The following TDRP variants were observed in gnomAD, a reference collection of about 807,000 sequenced individuals.
TDRP encodes testis development related protein, also known as testis development-related protein.
In TDRP, 12 loss-of-function variants were observed where a neutral mutation model predicts 10.5. That is an observed-to-expected ratio of 1.15 (90% CI 0.73 to 1.86). The LOEUF (loss-of-function observed/expected upper bound fraction) is 1.86, where lower values mean the gene tolerates loss of function less well. Among genes scored for constraint, TDRP ranks in the 40% most tolerant of loss-of-function variants. The pLI, the probability that TDRP is intolerant of heterozygous loss-of-function variation, is 0.00. For synonymous variants in TDRP, 139 were observed against 95.4 expected (o/e 1.46, Z -2.67); for missense variants, 353 against 229.2 (o/e 1.54, Z -3.49).
chr8:494,637 G>GA (rs760015775), intron 1 of TDRP, 40 bp from the exon 2 acceptor site: 3 of 1,549,868 alleles, frequency 1.9e-6, no homozygotes, highest in African/African-American at 2.7e-5. Flanking sequence ...CTGATGTCAT[G>GA]AATCAACAGA....
intron 1 of TDRP, among the ~76,000 whole-genome samples, chr8:521,756 T>C (rs1263540695): frequency 2.6e-5 from 4 of 151,878 alleles, no homozygotes; most frequent in Non-Finnish European, 4.4e-5. Context: ...CTTTAGAATT[T>C]CTTTTCTACT....
At chr8:532,284 G>C (rs1033426867) in intron 1 of TDRP, among the ~76,000 whole-genome samples, 2 of 152,172 alleles carry the variant, frequency 1.3e-5, no homozygotes, top group Non-Finnish European at 2.9e-5. Context: ...AAGGATGCTG[G>C]GACTTCAGGC....
chr8:545,645 G>A (rs975094291), upstream of TDRP: 3 of 152,114 alleles, frequency 2.0e-5, no homozygotes, highest in East Asian at 5.9e-4. Flanking sequence ...TCGGGGCCTG[G>A]GCGCCGGGCA....
chr8:544,210 T>C (rs943933801), intron 1 of TDRP, among the ~76,000 whole-genome samples: 2 of 152,050 alleles, frequency 1.3e-5, no homozygotes, highest in African/African-American at 4.8e-5. Context: ...TGCGCGATGA[T>C]TCAGGCCTTC....
At chr8:510,173 T>G (rs1177280416) in intron 1 of TDRP, among the ~76,000 whole-genome samples, 1 of 152,146 alleles carries the variant, frequency 6.6e-6, no homozygotes, top group Non-Finnish European at 1.5e-5. Context: ...TTTAAATAGG[T>G]ACGCATAATT....
intron 1 of TDRP, among the ~76,000 whole-genome samples, chr8:510,788 A>G (rs1801595615): frequency 6.6e-6 from 1 of 152,244 alleles, no homozygotes; most frequent in Non-Finnish European, 1.5e-5. Context: ...TATCCACATG[A>G]GAAAACAAAG....
At chr8:512,132 A>C (rs531261490) in intron 1 of TDRP, among the ~76,000 whole-genome samples, 20 of 152,254 alleles carry the variant, frequency 1.3e-4, no homozygotes, top group African/African-American at 4.6e-4. Flanking sequence ...TTAAAAAAAA[A>C]AACAAAATTG....
rs746086996 is a variant in TDRP at position 494,583 on chromosome 8, A to C, written c.123T>G (p.Ser41Arg). ...AAAQAQVQGA[S>R]FRGWKEVTSL... ...AAGTCACTTCTTTCCAACCTCGGAA[A>C]CTTGCTCCCTGAACCTAATAAAAGG... Residue 41 changes from serine to arginine, a missense_variant, in exon 2 of 3, where the codon AGT (serine) becomes AGG (arginine). Ser to Arg is a moderately radical substitution (Grantham distance 110). Coordinates refer to ENST00000324079, the MANE Select transcript of TDRP (RefSeq NM_001384899.1). The C allele has an allele frequency of 6.2e-7, 1 of 1,613,908 alleles. No individual in the cohort carries two copies. Among genetic ancestry groups the C allele is most frequent in the African/African-American group, 1.3e-5 (1 of 75,042 alleles).
chr8:493,283 G>C (rs891954276), intron 2 of TDRP, among the ~76,000 whole-genome samples: 2 of 152,260 alleles, frequency 1.3e-5, no homozygotes, highest in Admixed American at 6.5e-5. Flanking sequence ...TCTTCACCCT[G>C]ACTGTCCGCG....
intron 1 of TDRP, among the ~76,000 whole-genome samples, chr8:506,064 G>A (rs147319705): frequency 1.4e-4 from 22 of 152,200 alleles, no homozygotes; most frequent in East Asian, 5.8e-4. Context: ...AGCCATGGCC[G>A]CTTTCCACTG....
At chr8:537,497 G>C (rs893683113) in intron 1 of TDRP, among the ~76,000 whole-genome samples, 3 of 152,310 alleles carry the variant, frequency 2.0e-5, no homozygotes, top group Admixed American at 1.3e-4. Context: ...GTTTGCCAGA[G>C]AAAAATATTA....
intron 1 of TDRP, among the ~76,000 whole-genome samples, chr8:539,879 C>G (rs1802447454): frequency 6.6e-6 from 1 of 152,224 alleles, no homozygotes; most frequent in Non-Finnish European, 1.5e-5. Context: ...CTCCCCATCT[C>G]CAAGCATGAT....
chr8:509,777 C>CA (rs1801563039), intron 1 of TDRP, among the ~76,000 whole-genome samples: 6 of 152,306 alleles, frequency 3.9e-5, no homozygotes, highest in African/African-American at 1.4e-4. Flanking sequence ...ATTTCTCCCC[C>CA]AAAAATAGCT....
chr8:497,089 G>A (rs942725702), intron 1 of TDRP, among the ~76,000 whole-genome samples: 4 of 152,204 alleles, frequency 2.6e-5, no homozygotes, highest in Admixed American at 6.5e-5. Flanking sequence ...TACGAGAGGA[G>A]TGCGGTACTG....
chr8:538,950 T>A (rs865922331), intron 1 of TDRP, among the ~76,000 whole-genome samples: 29 of 152,168 alleles, frequency 1.9e-4, no homozygotes, highest in African/African-American at 6.5e-4. Flanking sequence ...GAGACATCCA[T>A]CAAAACCACA....
At chr8:506,835 T>A (rs1180418949) in intron 1 of TDRP, among the ~76,000 whole-genome samples, 1 of 152,206 alleles carries the variant, frequency 6.6e-6, no homozygotes, top group African/African-American at 2.4e-5. Flanking sequence ...GGAGCCCACT[T>A]CATTTGCACA....
At chr8:515,539 A>T (rs888459935) in intron 1 of TDRP, among the ~76,000 whole-genome samples, 1 of 152,238 alleles carries the variant, frequency 6.6e-6, no homozygotes, top group African/African-American at 2.4e-5. Flanking sequence ...TCATGTCAGC[A>T]TTCAAAAAGT....
At chr8:508,232 T>C (rs1353103136) in intron 1 of TDRP, among the ~76,000 whole-genome samples, 1 of 152,166 alleles carries the variant, frequency 6.6e-6, no homozygotes, top group Admixed American at 6.5e-5. Context: ...TGAAATAAAA[T>C]ATTCACTAGA....
intron 1 of TDRP, among the ~76,000 whole-genome samples, chr8:544,356 C>G (rs1029116333): frequency 2.0e-5 from 3 of 152,058 alleles, no homozygotes; most frequent in Non-Finnish European, 4.4e-5. Flanking sequence ...GTGCAGGGGG[C>G]ACTGGGTCCC....
Sources: gnomAD v4.1 joint callset for allele counts (sites outside exome capture counted in the v4.1 genomes callset) on GRCh38, gnomAD v4.1.1 for gene constraint, MANE v1.5 for transcripts, NCBI Gene and HGNC (gene_info 2026-07-23, HGNC 2026-07-21) for gene names.